DMRT1: variants seen among roughly 807,000 people sequenced by gnomAD.
DMRT1 encodes doublesex- and mab-3-related transcription factor 1.
Under a neutral mutation model 32.3 loss-of-function variants are expected in DMRT1, and 7 were observed. The ratio of observed to expected loss-of-function variants is 0.22; its 90% confidence interval spans 0.12 to 0.41. DMRT1 has a LOEUF of 0.41. Among genes scored for constraint, DMRT1 ranks in the 10% least tolerant of loss-of-function variants. DMRT1 has a pLI of 1.00. For synonymous variants in DMRT1, 278 were observed against 206.1 expected, an observed-to-expected ratio of 1.35 and a Z score of -2.99; for missense variants, 625 against 500.5, an observed-to-expected ratio of 1.25 and a Z score of -2.37.
Position 842,029 on chromosome 9 carries a change from G to A in DMRT1, c.191G>A (p.Gly64Asp). The change falls in exon 1 of 5, where the codon GGT becomes GAT. Residue 64 changes from glycine (G) to aspartate (D), a missense_variant. Gly to Asp is a moderately conservative substitution (Grantham distance 94). Transcript: ENST00000382276. ...TCCGGCTCCGGGGCGTCGGACCTGG[G>A]TGCCGGGAGCAAGAAGTCCCCGCGG... ...GGSGSGASDL[G>D]AGSKKSPRLP... The A allele has an allele frequency of 6.5e-7, 1 of 1,548,344 alleles. No homozygotes were observed. The highest frequency in any genetic ancestry group is 8.7e-7 in the Non-Finnish European group (1 of 1,149,418).
intron 4 of DMRT1, among the ~76,000 whole-genome samples, chr9:947,379 T>C (rs1445604816): frequency 6.6e-6 from 1 of 152,236 alleles, no homozygotes; most frequent in Non-Finnish European, 1.5e-5. Flanking sequence ...CACCCAGGCC[T>C]AGTCCATTAT....
At chr9:955,120 G>C (rs1819558393) in intron 4 of DMRT1, among the ~76,000 whole-genome samples, 2 of 152,312 alleles carry the variant, frequency 1.3e-5, no homozygotes, top group African/African-American at 4.8e-5. Flanking sequence ...GTGGTCAGTG[G>C]AGTGGGGAGG....
intron 2 of DMRT1, among the ~76,000 whole-genome samples, chr9:886,346 C>A (rs143397279): frequency 3.2e-4 from 48 of 152,140 alleles, no homozygotes; most frequent in Non-Finnish European, 5.1e-4. Flanking sequence ...ACCTCCGCCT[C>A]CTGGGTTCAA....
chr9:856,363 C>G (rs1815400944), intron 2 of DMRT1, among the ~76,000 whole-genome samples: 1 of 152,174 alleles, frequency 6.6e-6, no homozygotes, highest in Non-Finnish European at 1.5e-5. Flanking sequence ...TCACAAGAAT[C>G]TGGTTTTGGA....
At chr9:956,989 A>G (rs1262651415) in intron 4 of DMRT1, among the ~76,000 whole-genome samples, 3 of 152,088 alleles carry the variant, frequency 2.0e-5, no homozygotes, top group Admixed American at 1.3e-4. Context: ...GTTCATGTGC[A>G]GGTTTGTTAC....
intron 3 of DMRT1, among the ~76,000 whole-genome samples, chr9:896,912 C>G (rs61261704): frequency 6.6e-6 from 1 of 151,890 alleles, no homozygotes; most frequent in Non-Finnish European, 1.5e-5. Context: ...CTGCCTTTTT[C>G]AGGTATTAAA....
chr9:906,795 C>T (rs1409008503), intron 3 of DMRT1, among the ~76,000 whole-genome samples: 1 of 152,140 alleles, frequency 6.6e-6, no homozygotes, highest in African/African-American at 2.4e-5. Context: ...TAAGCAGATA[C>T]CTTCATTTAA....
chr9:924,163 C>T (rs899593642), intron 4 of DMRT1, among the ~76,000 whole-genome samples: 1 of 151,664 alleles, frequency 6.6e-6, no homozygotes, highest in Non-Finnish European at 1.5e-5. Context: ...CCTCTGCCTC[C>T]CAGGTTCAAG....
intron 2 of DMRT1, among the ~76,000 whole-genome samples, chr9:893,599 G>C (rs1817235095): frequency 6.6e-6 from 1 of 152,234 alleles, no homozygotes; most frequent in Non-Finnish European, 1.5e-5. Flanking sequence ...TTGCTCTTCA[G>C]TTTCTTGACA....
chr9:956,653 T>A (rs866454951), intron 4 of DMRT1, among the ~76,000 whole-genome samples: 9 of 152,062 alleles, frequency 5.9e-5, no homozygotes, highest in Admixed American at 1.3e-4. Flanking sequence ...TGTTCTGCTA[T>A]GTGTATTTTA....
At chr9:959,313 C>A (rs1056072497) in intron 4 of DMRT1, among the ~76,000 whole-genome samples, 9 of 152,170 alleles carry the variant, frequency 5.9e-5, no homozygotes, top group Non-Finnish European at 1.2e-4. Flanking sequence ...GCACAGAGTC[C>A]CTGAGGAACT....
intron 1 of DMRT1, among the ~76,000 whole-genome samples, chr9:843,749 G>T (rs1838790025): frequency 6.6e-6 from 1 of 152,188 alleles, no homozygotes; most frequent in Non-Finnish European, 1.5e-5. Context: ...GATTAGGAAC[G>T]TGTAAATATC....
chr9:929,926 C>T (rs1818654302), intron 4 of DMRT1, among the ~76,000 whole-genome samples: 1 of 152,124 alleles, frequency 6.6e-6, no homozygotes, highest in Non-Finnish European at 1.5e-5. Flanking sequence ...AGTGAAAGGT[C>T]AGCGGTTTTA....
chr9:943,707 G>A (rs1254431085), intron 4 of DMRT1, among the ~76,000 whole-genome samples: 1 of 152,164 alleles, frequency 6.6e-6, no homozygotes, highest in Non-Finnish European at 1.5e-5. Flanking sequence ...AGGAGTGTTG[G>A]AAATAACGTG....
At chr9:877,273 A>T (rs1158673772) in intron 2 of DMRT1, among the ~76,000 whole-genome samples, 1 of 152,330 alleles carries the variant, frequency 6.6e-6, no homozygotes, top group East Asian at 1.9e-4. Context: ...CGTTCCCAGG[A>T]TATACATACA....
intron 2 of DMRT1, among the ~76,000 whole-genome samples, chr9:887,364 T>A (rs1345538212): frequency 6.6e-6 from 1 of 152,216 alleles, no homozygotes; most frequent in Non-Finnish European, 1.5e-5. Context: ...CCCCATCTCC[T>A]TATTCTCTTA....
At chr9:874,931 T>C (rs911277178) in intron 2 of DMRT1, among the ~76,000 whole-genome samples, 1 of 151,312 alleles carries the variant, frequency 6.6e-6, no homozygotes, top group African/African-American at 2.4e-5. Context: ...CCTCAGCCTC[T>C]TGAGTAGCTG....
At chr9:881,196 G>A (rs571615530) in intron 2 of DMRT1, among the ~76,000 whole-genome samples, 304 of 152,260 alleles carry the variant, frequency 2.0e-3, no homozygotes, top group African/African-American at 6.8e-3. Flanking sequence ...TAGGGAGGGG[G>A]CTCTCCAGTC....
chr9:897,280 T>C (rs1817408838), intron 3 of DMRT1, among the ~76,000 whole-genome samples: 1 of 151,578 alleles, frequency 6.6e-6, no homozygotes, highest in Admixed American at 6.6e-5. Flanking sequence ...GCGTGGCTAT[T>C]TTTTTTTCTG....
Sources: allele counts gnomAD v4.1 joint callset (sites outside exome capture counted in the v4.1 genomes callset), GRCh38; gene constraint gnomAD v4.1.1; transcripts MANE v1.5; gene names NCBI Gene and HGNC (gene_info 2026-07-23, HGNC 2026-07-21).